Variants in NRXN3 observed in about 807,000 individuals in gnomAD.
The protein encoded by NRXN3 is neurexin III.
A neutral mutation model predicts 137.6 loss-of-function variants in NRXN3; 32 were observed. The observed-to-expected ratio is 0.23, with a 90% CI of 0.18 to 0.31. NRXN3 has a LOEUF of 0.31. Ranked by LOEUF, NRXN3 falls within the 10% of genes least tolerant of loss-of-function variation. NRXN3 has a pLI of 1.00. For missense variants in NRXN3, 1,574 were observed against 2,062.5 expected, an observed-to-expected ratio of 0.76 and a Z score of 4.59; for synonymous variants, 798 against 784.5, an observed-to-expected ratio of 1.02 and a Z score of -0.29.
chr14:79,395,221 T>A (rs1334738842), intron 15 of NRXN3, among the ~76,000 whole-genome samples: 2 of 152,184 alleles, frequency 1.3e-5, no homozygotes, highest in Non-Finnish European at 2.9e-5. Context: ...ACTTTGGGCC[T>A]GTGACTTGAC....
intron 8 of NRXN3, among the ~76,000 whole-genome samples, chr14:78,777,355 G>T (rs985488832): frequency 6.6e-6 from 1 of 152,102 alleles, no homozygotes; most frequent in Non-Finnish European, 1.5e-5. Context: ...CCATTTTCTT[G>T]GGGGCTCCAA....
At chr14:79,098,790 T>C (rs1039793777) in intron 15 of NRXN3, among the ~76,000 whole-genome samples, 3 of 152,182 alleles carry the variant, frequency 2.0e-5, no homozygotes, top group Admixed American at 6.5e-5. Context: ...AAGATGACTG[T>C]GGCAGCTTCA....
At chr14:79,599,954 C>G (rs2153833030) in intron 16 of NRXN3, among the ~76,000 whole-genome samples, 1 of 152,328 alleles carries the variant, frequency 6.6e-6, no homozygotes, top group East Asian at 1.9e-4. Flanking sequence ...GAGATTGCAT[C>G]ACTGCACTCC....
intron 4 of NRXN3, among the ~76,000 whole-genome samples, chr14:78,516,551 G>A (rs2096210795): frequency 6.6e-6 from 1 of 151,470 alleles, no homozygotes; most frequent in African/African-American, 2.4e-5. Context: ...AGATTGCAGG[G>A]GGCTTTCAAT....
rs991616911 is a variant in NRXN3 at position 78,819,203 on chromosome 14, A to T, written c.2275+8859A>T. On this transcript the variant is annotated intron_variant, in intron 10 of 20. Coordinates refer to ENST00000335750, the MANE Select transcript of NRXN3 (RefSeq NM_001330195.2). ...CCTTCTACCTTTCCAAGATTTCTTTATGTACTCCAATCCATTTTATGTGTC... is the reference window on the plus strand; with the variant it reads ...CCTTCTACCTTTCCAAGATTTCTTTTTGTACTCCAATCCATTTTATGTGTC... 1.2e-4 allele frequency among the ~76,000 whole-genome samples: 18 copies of T among 152,240 alleles called. 2 individuals carry two copies. In the East Asian group the frequency reaches 1.9e-3, roughly 16 times the overall value.
intron 4 of NRXN3, among the ~76,000 whole-genome samples, chr14:78,535,925 A>G (rs1034150622): frequency 2.0e-5 from 3 of 152,206 alleles, no homozygotes; most frequent in East Asian, 1.9e-4. Context: ...GAGCTTAGCT[A>G]TGATTTATGA....
intron 10 of NRXN3, among the ~76,000 whole-genome samples, chr14:78,928,714 G>T (rs2152857017): frequency 6.8e-6 from 1 of 147,312 alleles, no homozygotes; most frequent in South Asian, 2.2e-4. Context: ...TGGACATTTG[G>T]GTTGGTTCCA....
intron 2 of NRXN3, among the ~76,000 whole-genome samples, 173 bp from the exon 3 acceptor site, chr14:78,278,472 G>A (rs922100161): frequency 5.9e-5 from 9 of 152,170 alleles, no homozygotes; most frequent in African/African-American, 1.9e-4. Context: ...TGGTTTTTGG[G>A]TGAAGGTGGA....
chr14:79,417,255 T>C (rs1160171756), intron 15 of NRXN3, among the ~76,000 whole-genome samples: 1 of 152,180 alleles, frequency 6.6e-6, no homozygotes, highest in Admixed American at 6.6e-5. Context: ...TTTTAACTAT[T>C]ATAATGATGT....
At chr14:78,737,777 A>C (rs2098547520) in intron 8 of NRXN3, among the ~76,000 whole-genome samples, 1 of 152,138 alleles carries the variant, frequency 6.6e-6, no homozygotes, top group South Asian at 2.1e-4. Context: ...CAAGCAGTTA[A>C]GTCGTTGGAA....
rs956631540 is a variant in NRXN3 at position 78,224,496 on chromosome 14, A to G, written c.-703-17895A>G. 8.6e-5 allele frequency among the ~76,000 whole-genome samples: 13 copies of G among 151,888 alleles called. 1 individual carries two copies. Among genetic ancestry groups the G allele is most frequent in the Non-Finnish European group, 1.5e-4 (10 of 68,006 alleles). On this transcript the variant is annotated intron_variant, in intron 1 of 20. Transcript: ENST00000335750. ...TGTGCCCATGTGTTCTCATTGTTCA[A>G]TTCCCACCTATGAGTGAGAACATGA...
At chr14:78,264,788 A>G (rs528312282) in intron 2 of NRXN3, among the ~76,000 whole-genome samples, 2 of 152,226 alleles carry the variant, frequency 1.3e-5, no homozygotes, top group Non-Finnish European at 2.9e-5. Flanking sequence ...TTAATTCCAA[A>G]GCAAAGTACA....
At chr14:79,593,933 T>C (rs1408107379) in intron 16 of NRXN3, among the ~76,000 whole-genome samples, 1 of 152,150 alleles carries the variant, frequency 6.6e-6, no homozygotes, top group Non-Finnish European at 1.5e-5. Context: ...GAACAAATAA[T>C]TGTTTTACTA....
intron 15 of NRXN3, among the ~76,000 whole-genome samples, chr14:79,316,060 TTAC>T (rs958255964): frequency 6.6e-6 from 1 of 152,188 alleles, no homozygotes; most frequent in Non-Finnish European, 1.5e-5. Context: ...TTACTTAACC[TTAC>T]TTCAGTGCTG....
intron 4 of NRXN3, among the ~76,000 whole-genome samples, chr14:78,473,427 C>G (rs951855849): frequency 6.6e-6 from 1 of 151,300 alleles, no homozygotes; most frequent in African/African-American, 2.4e-5. Context: ...AATGAAAAAC[C>G]TTTCTTTTGT....
intron 15 of NRXN3, among the ~76,000 whole-genome samples, chr14:79,028,174 A>G (rs2099601681): frequency 3.3e-5 from 5 of 152,240 alleles, no homozygotes; most frequent in Admixed American, 3.3e-4. Context: ...GGACCAGAAC[A>G]TTGATACCCA....
At chr14:78,825,433 G>A (rs2098963973) in intron 10 of NRXN3, among the ~76,000 whole-genome samples, 2 of 152,232 alleles carry the variant, frequency 1.3e-5, no homozygotes, top group South Asian at 4.1e-4. Flanking sequence ...GTTTTGAGGT[G>A]ATTTTTCCAA....
chr14:79,318,962 A>G (rs10498536), intron 15 of NRXN3, among the ~76,000 whole-genome samples: 13,335 of 152,030 alleles, frequency 0.088, 862 homozygotes, highest in Middle Eastern at 0.17. Flanking sequence ...ATTTCTATGC[A>G]CTCACTTTGT....
intron 15 of NRXN3, among the ~76,000 whole-genome samples, chr14:79,379,329 C>T (rs1338452755): frequency 6.6e-6 from 1 of 152,074 alleles, no homozygotes; most frequent in African/African-American, 2.4e-5. Context: ...GATGAGTCTC[C>T]TGCTAGGATG....
Sources: gnomAD v4.1 joint callset for allele counts (sites outside exome capture counted in the v4.1 genomes callset) on GRCh38, gnomAD v4.1.1 for gene constraint, MANE v1.5 for transcripts, NCBI Gene and HGNC (gene_info 2026-07-23, HGNC 2026-07-21) for gene names.